Variants in THSD4 observed in about 807,000 individuals in gnomAD.
The protein encoded by THSD4 is thrombospondin type-1 domain-containing protein 4.
In THSD4, 69 loss-of-function variants were observed where a neutral mutation model predicts 119.0. That is an observed-to-expected ratio of 0.58 (90% CI 0.48 to 0.71). THSD4 has a LOEUF of 0.71. THSD4 is among the 30% of genes least tolerant of loss of function. The probability of loss-of-function intolerance (pLI) is 0.00; values close to 1 mark genes in which losing one functional copy is unlikely to be tolerated. For synonymous variants in THSD4, 524 were observed against 540.4 expected, an observed-to-expected ratio of 0.97 and a Z score of 0.42; for missense variants, 1,393 against 1,391.1, an observed-to-expected ratio of 1.00 and a Z score of -0.02.
chr15:71,122,043 C>T (rs568709422), intron 1 of THSD4, among the ~76,000 whole-genome samples: 3 of 152,172 alleles, frequency 2.0e-5, no homozygotes, highest in Admixed American at 2.0e-4. Context: ...CATTACAGGG[C>T]GTGTAGTGAC....
chr15:71,364,674 T>C (rs2045933230), intron 6 of THSD4, among the ~76,000 whole-genome samples: 1 of 152,244 alleles, frequency 6.6e-6, no homozygotes, highest in Non-Finnish European at 1.5e-5. Flanking sequence ...AGATCTCATA[T>C]TTCGAATCAT....
intron 7 of THSD4, among the ~76,000 whole-genome samples, chr15:71,521,619 G>T (rs556340628): frequency 3.0e-4 from 46 of 152,276 alleles, no homozygotes; most frequent in African/African-American, 1.1e-3. Flanking sequence ...TCTGCCAAAT[G>T]GCCGTGAGTA....
chr15:71,367,210 A>G (rs1218000277), intron 6 of THSD4, among the ~76,000 whole-genome samples: 1 of 142,682 alleles, frequency 7.0e-6, no homozygotes, highest in East Asian at 2.1e-4. Context: ...ACCTCATGCT[A>G]GGCTCTCTTT....
At chr15:71,664,281 C>G (rs1013621191) in intron 8 of THSD4, among the ~76,000 whole-genome samples, 1 of 152,094 alleles carries the variant, frequency 6.6e-6, no homozygotes, top group Non-Finnish European at 1.5e-5. Context: ...CATGCCCAGC[C>G]AAAGATTCCA....
At chr15:71,577,171 G>A (rs1226010053) in intron 7 of THSD4, among the ~76,000 whole-genome samples, 4 of 151,728 alleles carry the variant, frequency 2.6e-5, no homozygotes, top group East Asian at 1.9e-4. Flanking sequence ...GAACTAGACT[G>A]TAATTCCTTT....
chr15:71,542,849 C>G (rs867121934), intron 7 of THSD4, among the ~76,000 whole-genome samples: 47 of 151,420 alleles, frequency 3.1e-4, no homozygotes, highest in Middle Eastern at 6.8e-3. Flanking sequence ...TGCACTCCAG[C>G]CTGGGCAACA....
chr15:71,463,248 C>T (rs1485855207), intron 7 of THSD4, among the ~76,000 whole-genome samples: 3 of 152,120 alleles, frequency 2.0e-5, no homozygotes, highest in South Asian at 2.1e-4. Flanking sequence ...TTTCTCCCAG[C>T]GTTGTGTCAT....
At chr15:71,181,966 G>A (rs2043533989) in intron 3 of THSD4, among the ~76,000 whole-genome samples, 2 of 152,184 alleles carry the variant, frequency 1.3e-5, no homozygotes, top group African/African-American at 4.8e-5. Context: ...GATTCTGTTT[G>A]CAGAAGATGT....
intron 2 of THSD4, among the ~76,000 whole-genome samples, chr15:71,153,961 C>A (rs113911410): frequency 0.011 from 1,632 of 152,218 alleles, 30 homozygotes; most frequent in African/African-American, 0.037. Flanking sequence ...GGACTTGGGG[C>A]AGGAGAGGGA....
At position 71,225,539 on chromosome 15, in the gene THSD4, CTTTTTTTTTTTCT is replaced by C. The variant is rs1212593444; in HGVS notation, c.464+10152_464+10164del. On this transcript the variant is annotated intron_variant, in intron 4 of 17. Coordinates refer to ENST00000261862, the MANE Select transcript of THSD4 (RefSeq NM_024817.3). Reference sequence around the variant, plus strand: ...CAGCTCTCAAACACATTTTCTTTTTCTTTTTTTTTTTCTTTTTTTTTTTTTTGAGACGGAGTTT... The same window carrying C: ...CAGCTCTCAAACACATTTTCTTTTTCTTTTTTTTTTTTTGAGACGGAGTTT... Among the ~76,000 whole-genome samples, 292 of 105,372 alleles carry C rather than the reference CTTTTTTTTTTTCT, an allele frequency of 2.8e-3. 2 individuals carry two copies. The highest frequency in any genetic ancestry group is 9.8e-3 in the African/African-American group (282 of 28,648). 69.1% of individuals were successfully genotyped at this position (105,372 alleles called of 152,430 possible).
At chr15:71,538,391 G>A (rs553771872) in intron 7 of THSD4, among the ~76,000 whole-genome samples, 7 of 152,100 alleles carry the variant, frequency 4.6e-5, no homozygotes, top group East Asian at 1.9e-4. Context: ...GATTGCACAC[G>A]AAATCCCTCT....
Position 71,293,730 on chromosome 15 carries a change from C to CT in THSD4, c.1015+37020dup, listed in dbSNP as rs1460121762. Among the ~76,000 whole-genome samples the CT allele has an allele frequency of 2.0e-5, 3 of 152,146 alleles. No homozygotes were observed. In the East Asian group the frequency reaches 5.8e-4, roughly 29 times the overall value. ...ATCTTTATTTGTGGATATCTCCTCT[C>CT]TTTTTGCTTTGTCCTCATAGGTTAA... On this transcript the variant is annotated intron_variant, in intron 6 of 17. Coordinates refer to ENST00000261862, the MANE Select transcript of THSD4 (RefSeq NM_024817.3).
intron 7 of THSD4, among the ~76,000 whole-genome samples, chr15:71,440,119 T>C (rs1312733986): frequency 6.6e-6 from 1 of 152,114 alleles, no homozygotes; most frequent in African/African-American, 2.4e-5. Context: ...TTCACCCAAA[T>C]GGACTAAGGA....
At chr15:71,278,414 G>T (rs554774153) in intron 6 of THSD4, among the ~76,000 whole-genome samples, 1 of 152,186 alleles carries the variant, frequency 6.6e-6, no homozygotes, top group African/African-American at 2.4e-5. Context: ...TGAACTCCTA[G>T]GCTCAAGCAA....
In THSD4 at chr15:71,476,149, A is replaced by T. The variant is rs372038527; in HGVS notation, c.1152+64326A>T. Among the ~76,000 whole-genome samples the T allele has an allele frequency of 1.4e-4, 21 of 152,340 alleles. No homozygotes were observed. In the East Asian group the frequency reaches 3.5e-3, roughly 25 times the overall value. On this transcript the variant is annotated intron_variant, in intron 7 of 17. Coordinates refer to ENST00000261862, the MANE Select transcript of THSD4 (RefSeq NM_024817.3). ...AAGTATTTAGCAAAGGGCCTGATCC[A>T]TCATGGTCATTCCAAGAAGTATAGC...
intron 6 of THSD4, among the ~76,000 whole-genome samples, chr15:71,399,409 A>G (rs879930659): frequency 2.6e-5 from 4 of 152,222 alleles, no homozygotes; most frequent in Non-Finnish European, 5.9e-5. Flanking sequence ...TAAAAAGGGA[A>G]GAGAAGTTCC....
intron 7 of THSD4, among the ~76,000 whole-genome samples, chr15:71,586,887 C>G (rs2049681700): frequency 6.6e-6 from 1 of 152,198 alleles, no homozygotes; most frequent in Admixed American, 6.5e-5. Flanking sequence ...AACCAACAAG[C>G]ATTATGCCTA....
intron 4 of THSD4, among the ~76,000 whole-genome samples, chr15:71,220,083 G>A (rs1439416008): frequency 7.8e-6 from 1 of 128,750 alleles, no homozygotes; most frequent in African/African-American, 2.7e-5. Context: ...TAGGCATCAC[G>A]TGAGTTCAAA....
chr15:71,587,142 T>C lies in THSD4; in HGVS notation c.1153-73388T>C, dbSNP rs1047949517. ...GAAACAACAGGTGCTGGAGAGGATG[T>C]GGAGAAATAGGAACACTTTTACACT... On this transcript the variant is annotated intron_variant, in intron 7 of 17. Transcript: ENST00000261862. Among the ~76,000 whole-genome samples the C allele has an allele frequency of 1.7e-4, 24 of 144,130 alleles. No individual in the cohort carries two copies. The South Asian group carries it at 4.8e-3, about 29-fold the overall frequency. The allele number at this position is 144,130 out of a possible 152,430, so 94.6% of individuals were successfully genotyped here.
Sources: gnomAD v4.1 joint callset for allele counts (sites outside exome capture counted in the v4.1 genomes callset) on GRCh38, gnomAD v4.1.1 for gene constraint, MANE v1.5 for transcripts, NCBI Gene and HGNC (gene_info 2026-07-23, HGNC 2026-07-21) for gene names.